Variants in CFAP58 observed in about 807,000 individuals in gnomAD.
CFAP58 encodes the protein cilia and flagella associated protein 58.
A neutral mutation model predicts 119.5 loss-of-function variants in CFAP58; 88 were observed. The observed-to-expected ratio is 0.74, with a 90% CI of 0.62 to 0.88. CFAP58 has a LOEUF of 0.88. Ranked by LOEUF, CFAP58 falls within the 40% of genes least tolerant of loss-of-function variation. The pLI, the probability that CFAP58 is intolerant of heterozygous loss-of-function variation, is 0.00. For synonymous variants in CFAP58, 365 were observed against 366.3 expected (o/e 1.00, Z 0.04); for missense variants, 990 against 1,021.2 (o/e 0.97, Z 0.42).
chr10:104,376,309 A>T (rs1448547485), intron 7 of CFAP58, among the ~76,000 whole-genome samples: 2 of 151,748 alleles, frequency 1.3e-5, no homozygotes, highest in Admixed American at 1.3e-4. Flanking sequence ...AAAAAAAAAA[A>T]TCAGAGCTAG....
chr10:104,359,513 T>G (rs1283543867), intron 2 of CFAP58, among the ~76,000 whole-genome samples: 1 of 152,236 alleles, frequency 6.6e-6, no homozygotes, highest in East Asian at 1.9e-4. Flanking sequence ...ATTTAAAAAC[T>G]GATAAAGGGC....
At position 104,413,494 on chromosome 10, in the gene CFAP58, C is replaced by T. The variant is rs939684255; in HGVS notation, c.2256+6701C>T. On this transcript the variant is annotated intron_variant, in intron 15 of 17. Transcript: ENST00000369704. ...GAAGGATTTCTTTTCTTCTGCTCAC[C>T]AAGCTACTCTCCCCTTCAGAGAAGC... Among the ~76,000 whole-genome samples, 2 of 152,150 alleles carry T rather than the reference C, an allele frequency of 1.3e-5. 1 individual carries two copies. Among genetic ancestry groups the T allele is most frequent in the Admixed American group, 1.3e-4 (2 of 15,272 alleles).
intron 6 of CFAP58, among the ~76,000 whole-genome samples, chr10:104,369,513 T>G (rs1002034509): frequency 4.4e-4 from 67 of 152,280 alleles, no homozygotes; most frequent in African/African-American, 1.6e-3. Context: ...CTGAAAAACT[T>G]TTAAAACAGC....
At chr10:104,385,840 CG>C (rs1369360909) in intron 9 of CFAP58, among the ~76,000 whole-genome samples, 1 of 152,136 alleles carries the variant, frequency 6.6e-6, no homozygotes. Flanking sequence ...GGAGACTCTC[CG>C]TAGACTTGCC....
At chr10:104,356,357 G>C (rs899443641) in intron 1 of CFAP58, among the ~76,000 whole-genome samples, 1 of 152,190 alleles carries the variant, frequency 6.6e-6, no homozygotes, top group Non-Finnish European at 1.5e-5. Flanking sequence ...AGGTAAACTA[G>C]ACTCCTTAAA....
intron 5 of CFAP58, 80 bp from the exon 6 acceptor site, chr10:104,368,343 T>G: frequency 2.8e-6 from 4 of 1,416,810 alleles, no homozygotes; most frequent in Non-Finnish European, 3.8e-6. Context: ...TCCCAGGAGG[T>G]TTGTGGGGCC....
At position 104,393,324 on chromosome 10, in the gene CFAP58, G is replaced by T. The variant is rs764637221; in HGVS notation, c.1528-5G>T. On this transcript the variant is annotated splice_polypyrimidine_tract_variant and splice_region_variant and intron_variant, in intron 10 of 17. Coordinates refer to ENST00000369704, the MANE Select transcript of CFAP58 (RefSeq NM_001008723.2). ...TTTCAAACATTTCTCCTTTCATTTGGTTAGGATGAAATAACAGATATGAAG... is the reference window on the plus strand; with the variant it reads ...TTTCAAACATTTCTCCTTTCATTTGTTTAGGATGAAATAACAGATATGAAG... 2.5e-6 allele frequency: 4 copies of T among 1,609,848 alleles called. No individual in the cohort carries two copies. The East Asian group carries it at 6.7e-5, about 27-fold the overall frequency.
chr10:104,415,766 C>G (rs1170452236), intron 15 of CFAP58, among the ~76,000 whole-genome samples: 5 of 152,184 alleles, frequency 3.3e-5, no homozygotes, highest in Non-Finnish European at 5.9e-5. Context: ...GCCAATCTGA[C>G]TTTAGAAAAG....
chr10:104,394,145 A>C (rs564778973), intron 11 of CFAP58, among the ~76,000 whole-genome samples: 1 of 152,354 alleles, frequency 6.6e-6, no homozygotes, highest in East Asian at 1.9e-4. Flanking sequence ...CCTTTCCAAG[A>C]ATACAAAGCA....
At chr10:104,428,469 C>T (rs892367795) in intron 15 of CFAP58, among the ~76,000 whole-genome samples, 1 of 152,160 alleles carries the variant, frequency 6.6e-6, no homozygotes, top group Non-Finnish European at 1.5e-5. Context: ...AAGATTCAAC[C>T]AATTTAGAAA....
At chr10:104,395,265 A>T (rs2012127766) in intron 11 of CFAP58, among the ~76,000 whole-genome samples, 1 of 152,384 alleles carries the variant, frequency 6.6e-6, no homozygotes, top group East Asian at 1.9e-4. Flanking sequence ...ATACAGGGCA[A>T]TAAAGTCCTG....
At chr10:104,400,637 G>C in intron 12 of CFAP58, 43 bp from the exon 13 acceptor site, 1 of 1,518,480 alleles carries the variant, frequency 6.6e-7, no homozygotes, top group Non-Finnish European at 9.1e-7. Flanking sequence ...AAAAGCTAAG[G>C]CTCCTCCTTC....
intron 11 of CFAP58, among the ~76,000 whole-genome samples, chr10:104,396,095 T>C (rs2012148067): frequency 6.6e-6 from 1 of 152,220 alleles, no homozygotes; most frequent in South Asian, 2.1e-4. Context: ...TCTGCATTCA[T>C]CTGCCCATTG....
chr10:104,346,173 C>T, the CFAP58 span, among the ~76,000 whole-genome samples: 1 of 151,940 alleles, frequency 6.6e-6, no homozygotes, highest in Non-Finnish European at 1.5e-5. Context: ...TTTAAACAAA[C>T]GGATCTCATG....
Position 104,409,717 on chromosome 10 carries a change from G to A in CFAP58, c.2256+2924G>A, listed in dbSNP as rs185547139. ...CCTTTCGTATTATGTAAGAACTCTC[G>A]TAATAATATTTTTACTTACAAATTT... On this transcript the variant is annotated intron_variant, in intron 15 of 17. Coordinates refer to ENST00000369704, the MANE Select transcript of CFAP58 (RefSeq NM_001008723.2). Among the ~76,000 whole-genome samples the A allele has an allele frequency of 3.1e-4, 47 of 151,930 alleles. No homozygotes were observed. The East Asian group carries it at 4.6e-3, about 15-fold the overall frequency.
chr10:104,346,264 C>G, the CFAP58 span, among the ~76,000 whole-genome samples: 1 of 152,056 alleles, frequency 6.6e-6, no homozygotes, highest in African/African-American at 2.4e-5. Flanking sequence ...ACCCGAACAC[C>G]TGAGGTAGAA....
At chr10:104,339,305 G>A in the CFAP58 span, among the ~76,000 whole-genome samples, 4 of 152,218 alleles carry the variant, frequency 2.6e-5, no homozygotes, top group Admixed American at 2.0e-4. Flanking sequence ...TGTTGTGACG[G>A]TAGATCAAGT....
At chr10:104,450,453 C>G (rs1008290163) in intron 17 of CFAP58, among the ~76,000 whole-genome samples, 1 of 152,146 alleles carries the variant, frequency 6.6e-6, no homozygotes, top group Non-Finnish European at 1.5e-5. Flanking sequence ...TACCATGGAG[C>G]AGAGGAAATG....
At chr10:104,383,558 C>G (rs2011860500) in intron 9 of CFAP58, among the ~76,000 whole-genome samples, 1 of 152,124 alleles carries the variant, frequency 6.6e-6, no homozygotes, top group Non-Finnish European at 1.5e-5. Context: ...TGATATTTAA[C>G]CACACATAAT....
Sources: allele counts gnomAD v4.1 joint callset (sites outside exome capture counted in the v4.1 genomes callset), GRCh38; gene constraint gnomAD v4.1.1; transcripts MANE v1.5; gene names NCBI Gene and HGNC (gene_info 2026-07-23, HGNC 2026-07-21).